The following COL27A1 variants were observed in gnomAD, a reference collection of about 807,000 sequenced individuals.
The protein encoded by COL27A1 is collagen alpha-1(XXVII) chain.
COL27A1 carries 106 observed loss-of-function variants against 251.3 expected under a neutral mutation model. The ratio of observed to expected loss-of-function variants is 0.42; its 90% CI spans 0.36 to 0.50. COL27A1 has a LOEUF of 0.50. COL27A1 is among the 20% of genes least tolerant of loss of function. The probability of loss-of-function intolerance (pLI) is 0.00; values close to 1 mark genes in which losing one functional copy is unlikely to be tolerated. For synonymous variants in COL27A1, 1,000 were observed against 986.3 expected, an observed-to-expected ratio of 1.01 and a Z score of -0.26; for missense variants, 2,325 against 2,522.8, an observed-to-expected ratio of 0.92 and a Z score of 1.68.
At chr9:114,262,216 G>A (rs145102933) in intron 28 of COL27A1, among the ~76,000 whole-genome samples, 1 of 152,298 alleles carries the variant, frequency 6.6e-6, no homozygotes, top group South Asian at 2.1e-4. Context: ...CATGAATCAC[G>A]GGTGTTAAGC....
chr9:114,303,867 G>T (rs1340273970), intron 56 of COL27A1, among the ~76,000 whole-genome samples: 1 of 152,240 alleles, frequency 6.6e-6, no homozygotes, highest in Admixed American at 6.5e-5. Flanking sequence ...GGGACTGGGG[G>T]CATAGAGAAA....
chr9:114,173,201 C>T (rs1203342599), intron 3 of COL27A1, among the ~76,000 whole-genome samples: 1 of 149,114 alleles, frequency 6.7e-6, no homozygotes, highest in East Asian at 1.9e-4. Context: ...TGCACAGAAG[C>T]CCCACGCCTG....
intron 11 of COL27A1, 24 bp from the exon 12 acceptor site, chr9:114,210,958 C>T (rs761595254): frequency 1.2e-6 from 2 of 1,613,914 alleles, no homozygotes; most frequent in South Asian, 1.1e-5. Context: ...CTGCCCTGAC[C>T]TCTCCCCTGT....
At position 114,155,564 on chromosome 9, in the gene COL27A1, G is replaced by C. The variant is rs1848067839; in HGVS notation, c.-387G>C. 6.6e-6 allele frequency: 1 copy of C among 152,166 alleles called. No homozygotes were observed. Among genetic ancestry groups the C allele is most frequent in the South Asian group, 2.1e-4 (1 of 4,828 alleles). The allele number at this position is 152,166 out of a possible 1,614,324, so 9.4% of individuals were successfully genotyped here. ...TTTTCCTCTCCTCCCCCAGGCCGGC[G>C]GGGAGGCAGCTTCCACCGCCCTCCG... On this transcript the variant is annotated 5_prime_UTR_variant, in exon 1 of 61. Coordinates refer to ENST00000356083, the MANE Select transcript of COL27A1 (RefSeq NM_032888.4). The surrounding 1 kb of genome is among the most constrained non-coding windows in gnomAD (Gnocchi z 5.5).
At position 114,230,939 on chromosome 9, in the gene COL27A1, T is replaced by C. The variant is rs928083483; in HGVS notation, c.2467-140T>C. On this transcript the variant is annotated intron_variant, in intron 14 of 60. Coordinates refer to ENST00000356083, the MANE Select transcript of COL27A1 (RefSeq NM_032888.4). ...AGTGAAGGTCTCTGGATGAAGAACATTCCAGATTCCAAGATCAATCCTACA... is the reference window on the plus strand; with the variant it reads ...AGTGAAGGTCTCTGGATGAAGAACACTCCAGATTCCAAGATCAATCCTACA... The C allele has an allele frequency of 1.9e-5, 12 of 620,414 alleles. No homozygotes were observed. The African/African-American group carries it at 2.0e-4, about 11-fold the overall frequency. 38.4% of individuals were successfully genotyped at this position (620,414 alleles called of 1,614,324 possible). A position where few individuals can be genotyped will look rare whatever the true frequency, so the allele number is the denominator to read the frequency against.
At chr9:114,293,867 T>C (rs1828081394) in intron 49 of COL27A1, among the ~76,000 whole-genome samples, 1 of 152,126 alleles carries the variant, frequency 6.6e-6, no homozygotes, top group South Asian at 2.1e-4. Flanking sequence ...AGAAATTGAA[T>C]CTGTAGTTAG....
At chr9:114,251,037 G>A (rs1833506650) in intron 25 of COL27A1, among the ~76,000 whole-genome samples, 1 of 152,144 alleles carries the variant, frequency 6.6e-6, no homozygotes, top group Non-Finnish European at 1.5e-5. Flanking sequence ...TGTTTTAGAT[G>A]AGATAACAGA....
intron 3 of COL27A1, among the ~76,000 whole-genome samples, chr9:114,175,250 C>G (rs971091983): frequency 6.6e-6 from 1 of 152,362 alleles, no homozygotes; most frequent in Admixed American, 6.5e-5. Flanking sequence ...CTCTGCTCCC[C>G]CTCAGCTCCA....
chr9:114,264,893 C>T lies in COL27A1; in HGVS notation c.3250-31C>T, dbSNP rs755207331. 8.1e-6 allele frequency: 13 copies of T among 1,604,348 alleles called. No homozygotes were observed. In the South Asian group the frequency reaches 1.4e-4, roughly 18 times the overall value. ...GGGGAACGGTCCTCCCAAGCACCCT[C>T]TCCCACCTTCACGTGCTCTGCTTCC... On this transcript the variant is annotated intron_variant, in intron 29 of 60. Coordinates refer to ENST00000356083, the MANE Select transcript of COL27A1 (RefSeq NM_032888.4).
At chr9:114,228,586 A>G (rs1831687656) in intron 14 of COL27A1, among the ~76,000 whole-genome samples, 1 of 151,884 alleles carries the variant, frequency 6.6e-6, no homozygotes, top group South Asian at 2.1e-4. Context: ...CGGTGCCCCG[A>G]CTCCGTGATA....
chr9:114,266,490 C>A, intron 32 of COL27A1, 75 bp from the exon 33 acceptor site: 1 of 1,298,196 alleles, frequency 7.7e-7, no homozygotes, highest in Non-Finnish European at 1.1e-6. Flanking sequence ...TCAGCTCCCT[C>A]ATTCACCCCT....
At chr9:114,246,183 G>A (rs10119899) in intron 24 of COL27A1, 1 of 399,336 alleles carries the variant, frequency 2.5e-6, no homozygotes, top group Non-Finnish European at 4.4e-6. Context: ...GCCCAAAGAG[G>A]TTATGTGACT....
At chr9:114,228,495 C>T (rs544869923) in intron 14 of COL27A1, among the ~76,000 whole-genome samples, 27 of 152,306 alleles carry the variant, frequency 1.8e-4, no homozygotes, top group African/African-American at 5.8e-4. Context: ...CCTTCCAATC[C>T]GGCTTCTCTC....
chr9:114,219,533 G>C (rs1419520430), intron 12 of COL27A1, among the ~76,000 whole-genome samples: 2 of 152,146 alleles, frequency 1.3e-5, no homozygotes, highest in Non-Finnish European at 2.9e-5. Context: ...TAGGGGATTG[G>C]CATTTTCATG....
At chr9:114,228,651 C>T (rs1008855345) in intron 14 of COL27A1, among the ~76,000 whole-genome samples, 3 of 152,224 alleles carry the variant, frequency 2.0e-5, no homozygotes, top group African/African-American at 7.2e-5. Flanking sequence ...GAAATGGGGA[C>T]AGTAGTAGAC....
At chr9:114,229,933 A>C (rs1220342678) in intron 14 of COL27A1, among the ~76,000 whole-genome samples, 1 of 152,212 alleles carries the variant, frequency 6.6e-6, no homozygotes. Flanking sequence ...GCTCAGCCAC[A>C]TCCCTGGCCT....
intron 12 of COL27A1, 86 bp downstream of exon 12, chr9:114,211,112 G>T (rs1466971517): frequency 2.2e-6 from 3 of 1,350,324 alleles, no homozygotes; most frequent in African/African-American, 2.9e-5. Flanking sequence ...CTGCTGCCTG[G>T]CATCTTCTGC....
intron 8 of COL27A1, 59 bp downstream of exon 8, chr9:114,205,205 G>A (rs1303675123): frequency 7.3e-6 from 11 of 1,500,196 alleles, no homozygotes; most frequent in Middle Eastern, 2.0e-4. Flanking sequence ...GCCCCTACCT[G>A]TCTCTGGCCC....
At chr9:114,276,401 T>C (rs1476973268) in intron 37 of COL27A1, among the ~76,000 whole-genome samples, 1 of 152,074 alleles carries the variant, frequency 6.6e-6, no homozygotes, top group East Asian at 1.9e-4. Flanking sequence ...AGGTCAGGAG[T>C]TGGAGACCAG....
Sources: gnomAD v4.1 joint callset for allele counts (sites outside exome capture counted in the v4.1 genomes callset) on GRCh38, gnomAD v4.1.1 for gene constraint, Gnocchi (gnomAD v3.1) non-coding constraint, MANE v1.5 for transcripts, NCBI Gene and HGNC (gene_info 2026-07-23, HGNC 2026-07-21) for gene names.